Variants in GRID2 observed in about 807,000 individuals in gnomAD.
The protein encoded by GRID2 is glutamate receptor ionotropic, delta-2.
A neutral mutation model predicts 114.8 loss-of-function variants in GRID2; 33 were observed. The ratio of observed to expected loss-of-function variants is 0.29; its 90% CI spans 0.22 to 0.38. The LOEUF (loss-of-function observed/expected upper bound fraction) is 0.38. GRID2 is among the 10% of genes least tolerant of loss of function. The pLI, the probability that GRID2 is intolerant of heterozygous loss-of-function variation, is 1.00. For synonymous variants in GRID2, 505 were observed against 449.9 expected (o/e 1.12, Z -1.55); for missense variants, 1,184 against 1,257.7 (o/e 0.94, Z 0.89).
intron 13 of GRID2, among the ~76,000 whole-genome samples, chr4:93,553,297 T>C (rs1733964085): frequency 6.6e-6 from 1 of 152,192 alleles, no homozygotes; most frequent in Admixed American, 6.5e-5. Context: ...ATCTGTGGTT[T>C]CCTGACCTTT....
rs901279451 is a variant in GRID2, at chr4:92,960,045, G to C, written c.245-124950G>C. Among the ~76,000 whole-genome samples the C allele has an allele frequency of 2.0e-5, 3 of 151,902 alleles. No individual in the cohort carries two copies. The East Asian group carries it at 5.8e-4, about 29-fold the overall frequency. On this transcript the variant is annotated intron_variant, in intron 2 of 15. Coordinates refer to ENST00000282020, the MANE Select transcript of GRID2 (RefSeq NM_001510.4). ...AGAAGAGAAAAAAAGGGGTGTATTTGTTTAATTTCTATCTATTTTGAAAAT... is the reference window on the plus strand; with the variant it reads ...AGAAGAGAAAAAAAGGGGTGTATTTCTTTAATTTCTATCTATTTTGAAAAT...
chr4:93,500,504 A>G (rs370225594), intron 12 of GRID2, among the ~76,000 whole-genome samples: 217 of 152,036 alleles, frequency 1.4e-3, no homozygotes, highest in African/African-American at 4.8e-3. Flanking sequence ...CCTAAATCTC[A>G]ATGTTTCTTG....
Position 93,774,342 on chromosome 4 carries a change from C to A in GRID2, c.*1844C>A, listed in dbSNP as rs1734299161. The A allele has an allele frequency of 2.0e-5, 3 of 152,108 alleles. No individual in the cohort carries two copies. The highest frequency in any genetic ancestry group is 2.0e-4 in the Admixed American group (3 of 15,276). The allele number at this position is 152,108 out of a possible 1,614,324, so 9.4% of individuals were successfully genotyped here. On this transcript the variant is annotated 3_prime_UTR_variant, in exon 16 of 16. Transcript: ENST00000282020. ...AACTCTGATTTTAAAACAAAAAAAT[C>A]TTTACAACAAGCTATATAGGGACAT...
intron 4 of GRID2, among the ~76,000 whole-genome samples, chr4:93,150,520 C>A (rs1736639919): frequency 6.6e-6 from 1 of 152,090 alleles, no homozygotes; most frequent in African/African-American, 2.4e-5. Flanking sequence ...CCCCCATTGG[C>A]ACCCTTAGGA....
chr4:93,095,638 A>T (rs1281448095), intron 3 of GRID2, among the ~76,000 whole-genome samples: 1 of 152,148 alleles, frequency 6.6e-6, no homozygotes, highest in Non-Finnish European at 1.5e-5. Flanking sequence ...TCTAATAGCA[A>T]TAAAAAATTA....
chr4:93,578,630 G>A (rs1207493671), intron 13 of GRID2, among the ~76,000 whole-genome samples: 3 of 108,688 alleles, frequency 2.8e-5, no homozygotes, highest in African/African-American at 3.9e-5. Context: ...GTCTCACTCT[G>A]TAGCCCAGGC....
intron 1 of GRID2, among the ~76,000 whole-genome samples, chr4:92,405,817 A>G (rs953988262): frequency 1.3e-5 from 2 of 152,104 alleles, no homozygotes; most frequent in Non-Finnish European, 2.9e-5. Context: ...TACGGTATAA[A>G]TCATATATGA....
intron 2 of GRID2, among the ~76,000 whole-genome samples, chr4:92,912,489 A>C (rs1269515067): frequency 7.7e-6 from 1 of 129,602 alleles, no homozygotes; most frequent in African/African-American, 2.8e-5. Context: ...TTTGATATGT[A>C]CAGAAAAAAA....
At chr4:93,086,076 C>A (rs1040692949) in intron 3 of GRID2, among the ~76,000 whole-genome samples, 1 of 151,914 alleles carries the variant, frequency 6.6e-6, no homozygotes, top group African/African-American at 2.4e-5. Flanking sequence ...TTATTTGTGG[C>A]AGAAATAAAA....
chr4:93,041,297 G>C (rs556995453), intron 2 of GRID2, among the ~76,000 whole-genome samples: 1 of 152,244 alleles, frequency 6.6e-6, no homozygotes, highest in East Asian at 1.9e-4. Flanking sequence ...GTAACTTACA[G>C]GGCACTGCTT....
intron 14 of GRID2, among the ~76,000 whole-genome samples, chr4:93,634,977 C>T (rs13103248): frequency 0.18 from 26,977 of 152,008 alleles, 2,757 homozygotes; most frequent in Middle Eastern, 0.35. Context: ...AAGTTTGCAT[C>T]AGCTGTATTT....
At chr4:93,583,930 G>A (rs1398391954) in intron 13 of GRID2, among the ~76,000 whole-genome samples, 1 of 152,080 alleles carries the variant, frequency 6.6e-6, no homozygotes, top group Admixed American at 6.6e-5. Context: ...ACAAACCAAT[G>A]AACAAGACAT....
At chr4:92,595,474 ATCT>A (rs890013024) in intron 2 of GRID2, among the ~76,000 whole-genome samples, 3 of 152,000 alleles carry the variant, frequency 2.0e-5, no homozygotes, top group African/African-American at 7.2e-5. Context: ...AATAGAGATC[ATCT>A]TGCAAGTTTC....
At chr4:93,390,937 G>A (rs1053632629) in intron 8 of GRID2, among the ~76,000 whole-genome samples, 2 of 152,088 alleles carry the variant, frequency 1.3e-5, no homozygotes, top group Non-Finnish European at 2.9e-5. Flanking sequence ...ATAGTATGAA[G>A]GTTCTGTTTT....
intron 2 of GRID2, among the ~76,000 whole-genome samples, chr4:92,746,285 A>G (rs976976840): frequency 2.6e-5 from 4 of 152,164 alleles, no homozygotes; most frequent in Admixed American, 2.0e-4. Flanking sequence ...TAGGGAATTT[A>G]TGTCACACTA....
intron 2 of GRID2, among the ~76,000 whole-genome samples, chr4:93,067,488 T>C (rs776750070): frequency 7.2e-5 from 11 of 152,020 alleles, no homozygotes; most frequent in Non-Finnish European, 1.2e-4. Context: ...ACTTATCCCA[T>C]TGAAGTTATT....
chr4:92,306,626 C>T (rs558896310), intron 1 of GRID2, among the ~76,000 whole-genome samples: 1 of 152,258 alleles, frequency 6.6e-6, no homozygotes, highest in Non-Finnish European at 1.5e-5. Context: ...CTGTGGTCTG[C>T]ATGATAAATA....
At chr4:93,633,199 G>A (rs970747694) in intron 14 of GRID2, among the ~76,000 whole-genome samples, 6 of 151,692 alleles carry the variant, frequency 4.0e-5, no homozygotes, top group Non-Finnish European at 8.8e-5. Flanking sequence ...ATACTCCTTA[G>A]TTGTAGTCTT....
Position 93,681,150 on chromosome 4 carries a change from C to T in GRID2, c.2360+54715C>T, listed in dbSNP as rs1009849294. Among the ~76,000 whole-genome samples, 53 of 150,678 alleles carry T rather than the reference C, an allele frequency of 3.5e-4. 1 individual carries two copies. The highest frequency in any genetic ancestry group is 1.1e-3 in the African/African-American group (44 of 40,696). ...ATACACCAATAACAGACAAACAGAGCGAAATCATGAGTGAACTCCCATTCA... is the reference window on the plus strand; with the variant it reads ...ATACACCAATAACAGACAAACAGAGTGAAATCATGAGTGAACTCCCATTCA... On this transcript the variant is annotated intron_variant, in intron 14 of 15. Transcript: ENST00000282020.
Sources: gnomAD v4.1 joint callset for allele counts (sites outside exome capture counted in the v4.1 genomes callset) on GRCh38, gnomAD v4.1.1 for gene constraint, MANE v1.5 for transcripts, NCBI Gene and HGNC (gene_info 2026-07-23, HGNC 2026-07-21) for gene names.